Variants in CPNE3 observed in about 807,000 individuals in gnomAD.
CPNE3 encodes copine 3, also known as copine-3.
In CPNE3, 68 loss-of-function variants were observed where a neutral mutation model predicts 63.9. The observed-to-expected ratio is 1.06, with a 90% CI of 0.87 to 1.30. CPNE3 has a LOEUF of 1.30. Ranked by LOEUF, CPNE3 falls within the 50% of genes most tolerant of loss-of-function variation. The pLI is 0.00. For synonymous variants in CPNE3, 219 were observed against 197.5 expected (o/e 1.11, Z -0.91); for missense variants, 665 against 578.1 (o/e 1.15, Z -1.54).
Position 86,544,723 on chromosome 8 carries a change from A to T in CPNE3, c.634-17A>T, listed in dbSNP as rs1466504933. 8.0e-7 allele frequency: 1 copy of T among 1,254,328 alleles called. No individual in the cohort carries two copies. The highest frequency in any genetic ancestry group is 1.1e-6 in the Non-Finnish European group (1 of 935,962). The allele number at this position is 1,254,328 out of a possible 1,614,324, so 77.7% of individuals were successfully genotyped here. ...ACTATATTGATTTTTATATATTTTT[A>T]TTATATTTAATTTCAGGTGGAGTGT... On this transcript the variant is annotated splice_polypyrimidine_tract_variant and intron_variant, in intron 8 of 16. Coordinates refer to ENST00000517490, the MANE Select transcript of CPNE3 (RefSeq NM_003909.5).
intron 2 of CPNE3, among the ~76,000 whole-genome samples, chr8:86,522,912 G>A (rs188246509): frequency 1.7e-3 from 254 of 152,220 alleles, no homozygotes; most frequent in Middle Eastern, 6.8e-3. Flanking sequence ...ATGAGCCTGC[G>A]CTCCCCTCAC....
chr8:86,552,654 A>T (rs1821207423), intron 14 of CPNE3, among the ~76,000 whole-genome samples: 1 of 151,546 alleles, frequency 6.6e-6, no homozygotes, highest in Admixed American at 6.6e-5. Flanking sequence ...TCAGAGCCTT[A>T]TTTTAAGGCA....
chr8:86,554,339 G>C (rs1821263277), intron 14 of CPNE3, among the ~76,000 whole-genome samples: 1 of 152,188 alleles, frequency 6.6e-6, no homozygotes, highest in South Asian at 2.1e-4. Context: ...TGCAGTCTGT[G>C]ATACAATGAT....
rs112648851 is a variant in CPNE3 at position 86,551,296 on chromosome 8, G to A, written c.1120+62G>A. On this transcript the variant is annotated intron_variant, in intron 14 of 16. Transcript: ENST00000517490. ...AAGGCTCACTAGTCTTTGTTATTTT[G>A]TTCTTTGTTCTTTGTTTTTTTTCTT... 77 of 1,107,556 alleles carry A rather than the reference G, an allele frequency of 7.0e-5. 1 individual carries two copies. In the African/African-American group the frequency reaches 7.7e-4, roughly 11 times the overall value. 68.6% of individuals were successfully genotyped at this position (1,107,556 alleles called of 1,614,324 possible).
chr8:86,537,610 A>G lies in CPNE3; in HGVS notation c.507A>G (p.Thr169=), dbSNP rs369696475. Residue 169 remains threonine (T), a synonymous_variant, in exon 7 of 17, where the codon ACA becomes ACG. Transcript: ENST00000517490. ...CATACCTGGAATTCCACAAGCAGAC[A>G]TCTGATGGAAACTGGCTAATGGTTC... ...SDPYLEFHKQ[T]SDGNWLMVHR... The G allele has an allele frequency of 3.8e-5, 62 of 1,610,742 alleles. No individual in the cohort carries two copies. The highest frequency in any genetic ancestry group is 4.9e-5 in the Non-Finnish European group (58 of 1,177,058).
In CPNE3 at chr8:86,558,709, A is replaced by G. The variant is rs1426354909; in HGVS notation, c.*299A>G. On this transcript the variant is annotated 3_prime_UTR_variant, in exon 17 of 17. Transcript: ENST00000517490. The stretch of plus-strand genomic sequence containing the variant: ...TGTTGTTGTTTTTGTTTACTTTCAT[A>G]TGATGAAAATGCTGTGTTTAAGTGT... The G allele has an allele frequency of 3.2e-6, 1 of 310,406 alleles. No homozygotes were observed. 19.2% of individuals were successfully genotyped at this position (310,406 alleles called of 1,614,324 possible). A position where few individuals can be genotyped will look rare whatever the true frequency, so the allele number is the denominator to read the frequency against.
At chr8:86,537,770 A>G in intron 7 of CPNE3, 124 bp downstream of exon 7, 1 of 645,052 alleles carries the variant, frequency 1.6e-6, no homozygotes, top group Non-Finnish European at 2.8e-6. Context: ...AGCCAGAGAC[A>G]CAAGATCACC....
intron 5 of CPNE3, 74 bp from the exon 6 acceptor site, chr8:86,532,435 G>T: frequency 2.8e-6 from 3 of 1,069,282 alleles, no homozygotes; most frequent in Non-Finnish European, 4.1e-6. Context: ...TTAGATAACA[G>T]AATAAATCAG....
chr8:86,550,573 T>G (rs1179014481), intron 12 of CPNE3, among the ~76,000 whole-genome samples: 1 of 152,198 alleles, frequency 6.6e-6, no homozygotes, highest in Non-Finnish European at 1.5e-5. Flanking sequence ...TGTTATATAT[T>G]CGGTCCACTG....
At chr8:86,515,353 AC>A (rs1344676168) in intron 1 of CPNE3, 108 bp from the exon 2 acceptor site, 3 of 152,154 alleles carry the variant, frequency 2.0e-5, no homozygotes, top group Admixed American at 2.0e-4. Flanking sequence ...GAATATTGTG[AC>A]TTGATTTCAA....
At chr8:86,522,612 C>T (rs1456851141) in intron 2 of CPNE3, among the ~76,000 whole-genome samples, 5 of 124,960 alleles carry the variant, frequency 4.0e-5, no homozygotes, top group African/African-American at 6.2e-5. Flanking sequence ...CTGAGCAACA[C>T]AATTTGAGAA....
chr8:86,534,380 G>T (rs1820755025), intron 6 of CPNE3, among the ~76,000 whole-genome samples: 1 of 152,194 alleles, frequency 6.6e-6, no homozygotes, highest in South Asian at 2.1e-4. Context: ...TGTAGGCCCG[G>T]TGTGGTGGCT....
intron 16 of CPNE3, 146 bp from the exon 17 acceptor site, chr8:86,558,142 T>A (rs1196660487): frequency 3.3e-6 from 2 of 609,156 alleles, no homozygotes; most frequent in Non-Finnish European, 5.9e-6. Flanking sequence ...CATTCCATAT[T>A]TCATGGGCGG....
At chr8:86,536,579 G>T (rs1415254709) in intron 6 of CPNE3, among the ~76,000 whole-genome samples, 1 of 152,062 alleles carries the variant, frequency 6.6e-6, no homozygotes, top group Non-Finnish European at 1.5e-5. Flanking sequence ...GTTCAAGAGA[G>T]AAATAATTTT....
rs148327117 is a variant in CPNE3 at position 86,529,415 on chromosome 8, C to T, written c.312+291C>T. 7.8e-4 allele frequency among the ~76,000 whole-genome samples: 119 copies of T among 152,208 alleles called. No individual in the cohort carries two copies. In the East Asian group the frequency reaches 9.1e-3, roughly 12 times the overall value. The stretch of plus-strand genomic sequence containing the variant: ...GCTTTAGCTGCTGCAGAGTTCTCTA[C>T]GGTTTTGTTATGTTCAAGCCATAAA... On this transcript the variant is annotated intron_variant, in intron 4 of 16. Transcript: ENST00000517490.
chr8:86,548,233 T>C (rs993538308), intron 11 of CPNE3, 68 bp from the exon 12 acceptor site: 1 of 1,561,468 alleles, frequency 6.4e-7, no homozygotes, highest in African/African-American at 1.4e-5. Context: ...CTCTTGAAGT[T>C]TTCCTGGACA....
At chr8:86,549,371 A>G (rs1821123155) in intron 12 of CPNE3, among the ~76,000 whole-genome samples, 1 of 152,212 alleles carries the variant, frequency 6.6e-6, no homozygotes, top group Non-Finnish European at 1.5e-5. Flanking sequence ...CATAGGATTA[A>G]AAAATTAATA....
rs548187217 is a variant in CPNE3 at position 86,531,642 on chromosome 8, A to T, written c.387+413A>T. On this transcript the variant is annotated intron_variant, in intron 5 of 16. Transcript: ENST00000517490. ...TTCCAGAAGGATGTTATATTATGAC[A>T]TGGTCAATGAACCTATAAACTCTTT... 3.4e-5 allele frequency among the ~76,000 whole-genome samples: 5 copies of T among 148,374 alleles called. No individual in the cohort carries two copies. In the East Asian group the frequency reaches 9.7e-4, roughly 29 times the overall value.
chr8:86,528,566 A>G lies in CPNE3; in HGVS notation c.21A>G (p.Thr7=), dbSNP rs1292955276. The change falls in exon 3 of 17, where the codon ACA becomes ACG. Residue 7 remains threonine, a synonymous_variant. Coordinates refer to ENST00000517490, the MANE Select transcript of CPNE3 (RefSeq NM_003909.5). ...AAGACATGGCTGCCCAGTGTGTCAC[A>G]AAGGTGGCGCTGAATGTTTCCTGTG... is the stretch of plus-strand genomic sequence containing the variant. MAAQCV[T]KVALNVSCAN... The G allele has an allele frequency of 6.2e-7, 1 of 1,613,890 alleles. No individual in the cohort carries two copies. Among genetic ancestry groups the G allele is most frequent in the East Asian group, 2.2e-5 (1 of 44,878 alleles).
Sources: gnomAD v4.1 joint callset for allele counts (sites outside exome capture counted in the v4.1 genomes callset) on GRCh38, gnomAD v4.1.1 for gene constraint, MANE v1.5 for transcripts, NCBI Gene and HGNC (gene_info 2026-07-23, HGNC 2026-07-21) for gene names.